Variants in CTBP2 observed in about 807,000 individuals in gnomAD.
CTBP2 encodes C-terminal binding protein 2.
A neutral mutation model predicts 80.3 loss-of-function variants in CTBP2; 30 were observed. The ratio of observed to expected loss-of-function variants is 0.37; its 90% CI spans 0.28 to 0.51. CTBP2 has a LOEUF of 0.51. Among genes scored for constraint, CTBP2 ranks in the 20% least tolerant of loss-of-function variants. The pLI, the probability that CTBP2 is intolerant of heterozygous loss-of-function variation, is 0.93. For missense variants in CTBP2, 1,212 were observed against 1,375.3 expected, an observed-to-expected ratio of 0.88 and a Z score of 1.88; for synonymous variants, 594 against 587.4, an observed-to-expected ratio of 1.01 and a Z score of -0.16.
intron 1 of CTBP2, among the ~76,000 whole-genome samples, chr10:125,157,866 A>G (rs559929480): frequency 6.6e-6 from 1 of 152,132 alleles, no homozygotes; most frequent in African/African-American, 2.4e-5. Flanking sequence ...CATCTCATTA[A>G]CTTTTCTTTT....
rs1388046051 is a variant in CTBP2 at position 125,027,088 on chromosome 10, G to A, written c.672C>T (p.Ala224=). 1 of 1,611,302 alleles carries A rather than the reference G, an allele frequency of 6.2e-7. No individual in the cohort carries two copies. Among genetic ancestry groups the A allele is most frequent in the Non-Finnish European group, 8.5e-7 (1 of 1,178,196 alleles). The change falls in exon 1 of 9, where the codon GCC becomes GCT. Residue 224 remains alanine (A), a synonymous_variant. Coordinates refer to ENST00000309035, the MANE Select transcript of CTBP2 (RefSeq NM_022802.3). Reference sequence around the variant, plus strand: ...CCAGGCACGTCGGGGCCACCTGTCTGGCAGGGGCAGGGTCAATGGGTCTTT... The same window carrying A: ...CCAGGCACGTCGGGGCCACCTGTCTAGCAGGGGCAGGGTCAATGGGTCTTT...
intron 2 of CTBP2, among the ~76,000 whole-genome samples, chr10:125,070,166 A>G (rs992087182): frequency 6.6e-6 from 1 of 152,064 alleles, no homozygotes; most frequent in Non-Finnish European, 1.5e-5. Flanking sequence ...CCTGGCTAAC[A>G]AGGTGAAACC....
intron 1 of CTBP2, among the ~76,000 whole-genome samples, chr10:125,133,092 G>A (rs1051874910): frequency 6.6e-6 from 1 of 152,168 alleles, no homozygotes; most frequent in Non-Finnish European, 1.5e-5. Context: ...TGATTGTGGG[G>A]GAAGCAGCCA....
At chr10:125,076,834 G>A (rs1299304658) in intron 2 of CTBP2, among the ~76,000 whole-genome samples, 1 of 152,282 alleles carries the variant, frequency 6.6e-6, no homozygotes, top group South Asian at 2.1e-4. Flanking sequence ...TTCATCCCTG[G>A]AGAGTTTAAA....
chr10:125,049,782 G>C (rs1962271422), intron 2 of CTBP2, among the ~76,000 whole-genome samples: 1 of 152,070 alleles, frequency 6.6e-6, no homozygotes, highest in African/African-American at 2.4e-5. Context: ...CCTCCAAAGG[G>C]GCCCACCTGC....
intron 2 of CTBP2, among the ~76,000 whole-genome samples, chr10:125,093,142 C>T (rs35145201): frequency 0.072 from 10,946 of 152,316 alleles, 412 homozygotes; most frequent in Non-Finnish European, 0.086. Flanking sequence ...CTGTTTCCTT[C>T]GTCAGATCCA....
At chr10:125,078,019 G>T (rs975944583) in intron 2 of CTBP2, among the ~76,000 whole-genome samples, 1 of 152,168 alleles carries the variant, frequency 6.6e-6, no homozygotes, top group Non-Finnish European at 1.5e-5. Context: ...GGTGGCTCAC[G>T]CCTGTAATCC....
At chr10:124,992,223 T>TTC (rs1952754061) in intron 8 of CTBP2, among the ~76,000 whole-genome samples, 2 of 150,020 alleles carry the variant, frequency 1.3e-5, no homozygotes, top group Non-Finnish European at 3.0e-5. Context: ...TTTTTTTTTT[T>TTC]TTTTTGGTGG....
At chr10:125,106,775 G>C (rs57447348) in intron 2 of CTBP2, among the ~76,000 whole-genome samples, 28,764 of 152,204 alleles carry the variant, frequency 0.19, 3,466 homozygotes, top group African/African-American at 0.34. Flanking sequence ...CCTTCTGCCT[G>C]GTCTCTTCCT....
intron 1 of CTBP2, among the ~76,000 whole-genome samples, chr10:125,013,142 A>T (rs565858328): frequency 6.6e-6 from 1 of 152,254 alleles, no homozygotes; most frequent in African/African-American, 2.4e-5. Context: ...TCTCAGTTCA[A>T]AGGCCCAAGC....
chr10:125,119,167 A>G (rs1853883900), intron 1 of CTBP2, among the ~76,000 whole-genome samples: 1 of 152,188 alleles, frequency 6.6e-6, no homozygotes, highest in Non-Finnish European at 1.5e-5. Flanking sequence ...CCAGAAGGTG[A>G]GCAGAGGGGT....
chr10:125,002,660 C>T (rs1417311938), intron 3 of CTBP2, among the ~76,000 whole-genome samples: 1 of 152,226 alleles, frequency 6.6e-6, no homozygotes, highest in Non-Finnish European at 1.5e-5. Flanking sequence ...GCATTCTCCC[C>T]TCTGGAGGCG....
chr10:125,001,525 G>A (rs1954502470), intron 3 of CTBP2: 1 of 152,264 alleles, frequency 6.6e-6, no homozygotes, highest in African/African-American at 2.4e-5. Flanking sequence ...TTCCAACAGA[G>A]GGGCTCGGAA....
At chr10:125,042,049 A>C (rs1364808905) in intron 2 of CTBP2, among the ~76,000 whole-genome samples, 1 of 151,730 alleles carries the variant, frequency 6.6e-6, no homozygotes, top group Non-Finnish European at 1.5e-5. Context: ...GGCCAGTGGC[A>C]CCGACCCATG....
chr10:125,003,021 T>G lies in CTBP2; in HGVS notation c.1917A>C (p.Arg639Ser). ...AGCCACTGCCTATCCGCACGATCAC[T>G]CTCAGGGCCTTGAACTTCTCCAGGT... The change falls in exon 3 of 9, where the codon AGA (arginine) becomes AGC (serine). Residue 639 changes from arginine to serine, a missense_variant. This residue lies in a region of CTBP2 where 335 missense variants were observed against 504.7 expected (regional missense o/e 0.66). Transcript: ENST00000309035. The G allele has an allele frequency of 6.2e-7, 1 of 1,613,964 alleles. No homozygotes were observed. Among genetic ancestry groups the G allele is most frequent in the Non-Finnish European group, 8.5e-7 (1 of 1,179,996 alleles).
At chr10:125,079,518 T>C (rs1038490370) in intron 2 of CTBP2, among the ~76,000 whole-genome samples, 1 of 152,160 alleles carries the variant, frequency 6.6e-6, no homozygotes, top group African/African-American at 2.4e-5. Flanking sequence ...CAATAAGATA[T>C]GAAGAAACAA....
intron 1 of CTBP2, among the ~76,000 whole-genome samples, chr10:125,138,593 G>A (rs544268556): frequency 1.8e-4 from 27 of 150,808 alleles, no homozygotes; most frequent in Non-Finnish European, 2.9e-4. Flanking sequence ...GGAAAGAGCC[G>A]CTGTAATCAA....
At chr10:125,113,340 C>G (rs1393532503) in intron 1 of CTBP2, among the ~76,000 whole-genome samples, 1 of 152,256 alleles carries the variant, frequency 6.6e-6, no homozygotes, top group Non-Finnish European at 1.5e-5. Context: ...CTTCCCTACT[C>G]TAGCTGGCAG....
At chr10:125,095,721 T>C (rs1021252105) in intron 2 of CTBP2, among the ~76,000 whole-genome samples, 1 of 152,302 alleles carries the variant, frequency 6.6e-6, no homozygotes, top group African/African-American at 2.4e-5. Flanking sequence ...AAACTAGGTG[T>C]GTACAGGGAC....
Sources: allele counts gnomAD v4.1 joint callset (sites outside exome capture counted in the v4.1 genomes callset), GRCh38; gene constraint gnomAD v4.1.1; regional missense constraint gnomAD v4.1.1; transcripts MANE v1.5; gene names NCBI Gene and HGNC (gene_info 2026-07-23, HGNC 2026-07-21).